Variants in TMEM178B observed in about 807,000 individuals in gnomAD.
TMEM178B encodes the protein transmembrane protein 178B.
A neutral mutation model predicts 31.0 loss-of-function variants in TMEM178B; 5 were observed. The observed-to-expected ratio is 0.16, with a 90% CI of 0.08 to 0.34. TMEM178B has a LOEUF of 0.34. TMEM178B is among the 10% of genes least tolerant of loss of function. TMEM178B has a pLI of 1.00. For missense variants in TMEM178B, 275 were observed against 400.3 expected, an observed-to-expected ratio of 0.69 and a Z score of 2.67; for synonymous variants, 164 against 164.0, an observed-to-expected ratio of 1.00 and a Z score of 0.00.
chr7:141,138,751 G>C (rs1795717256), intron 1 of TMEM178B, among the ~76,000 whole-genome samples: 1 of 152,142 alleles, frequency 6.6e-6, no homozygotes, highest in South Asian at 2.1e-4. Flanking sequence ...GGGAGGCTGA[G>C]GCGGGTGGAT....
At chr7:141,442,013 A>G (rs1801669746) in intron 3 of TMEM178B, among the ~76,000 whole-genome samples, 1 of 152,196 alleles carries the variant, frequency 6.6e-6, no homozygotes, top group Non-Finnish European at 1.5e-5. Context: ...AGACTGGCAC[A>G]ACACCATTTG....
intron 2 of TMEM178B, among the ~76,000 whole-genome samples, chr7:141,322,808 C>G (rs980605328): frequency 6.6e-6 from 1 of 152,174 alleles, no homozygotes; most frequent in Non-Finnish European, 1.5e-5. Context: ...GCTAGGAAAG[C>G]ACAGGCTTTC....
Position 141,245,170 on chromosome 7 carries a change from C to CAAAAAAAAAAAAAA in TMEM178B, c.496+32493_496+32506dup, listed in dbSNP as rs59281560. Among the ~76,000 whole-genome samples the CAAAAAAAAAAAAAA allele has an allele frequency of 2.6e-4, 6 of 23,110 alleles. 1 individual carries two copies. Among genetic ancestry groups the CAAAAAAAAAAAAAA allele is most frequent in the African/African-American group, 4.9e-4 (3 of 6,124 alleles). The allele number at this position is 23,110 out of a possible 152,430, so 15.2% of individuals were successfully genotyped here. A position where few individuals can be genotyped will look rare whatever the true frequency, so the allele number is the denominator to read the frequency against. Reference sequence around the variant, plus strand: ...GGGTGACAGAGCAAGACTCCATCACCAAAAAAAAAAAAAAAAAAAAAAAAA... The same window carrying CAAAAAAAAAAAAAA: ...GGGTGACAGAGCAAGACTCCATCACCAAAAAAAAAAAAAAAAAAAAAAAAAAAAAAAAAAAAAAA... On this transcript the variant is annotated intron_variant, in intron 2 of 3. Coordinates refer to ENST00000565468, the MANE Select transcript of TMEM178B (RefSeq NM_001195278.2).
rs141159106 is a variant in TMEM178B, at chr7:141,453,197, T to C, written c.634+15452T>C. 2.6e-3 allele frequency among the ~76,000 whole-genome samples: 391 copies of C among 152,360 alleles called. 6 individuals carry two copies. Among genetic ancestry groups the C allele is most frequent in the African/African-American group, 9.0e-3 (373 of 41,582 alleles). On this transcript the variant is annotated intron_variant, in intron 3 of 3. Transcript: ENST00000565468. ...AGTGTCTTGGACAGTAGTGATCTAG[T>C]CATTTCCTAGCTTTCCTCTGAGTCA...
At chr7:141,183,828 C>A (rs374580986) in intron 1 of TMEM178B, among the ~76,000 whole-genome samples, 3 of 152,280 alleles carry the variant, frequency 2.0e-5, no homozygotes, top group East Asian at 3.9e-4. Context: ...AGGTCCTGAG[C>A]TGAGGAATGT....
At chr7:141,432,685 C>T (rs771610023) in intron 2 of TMEM178B, among the ~76,000 whole-genome samples, 64 of 152,282 alleles carry the variant, frequency 4.2e-4, no homozygotes, top group Non-Finnish European at 2.4e-4. Flanking sequence ...TCTCTTGTCT[C>T]TCTGCAGATA....
chr7:141,322,665 G>A (rs955731822), intron 2 of TMEM178B, among the ~76,000 whole-genome samples: 6 of 152,176 alleles, frequency 3.9e-5, no homozygotes, highest in Non-Finnish European at 5.9e-5. Context: ...AGGCTGGGAC[G>A]TGTCGAGAAC....
At chr7:141,412,492 A>G (rs532536621) in intron 2 of TMEM178B, among the ~76,000 whole-genome samples, 156 of 152,336 alleles carry the variant, frequency 1.0e-3, no homozygotes, top group Middle Eastern at 3.4e-3. Flanking sequence ...TCATGGGCCC[A>G]AGAGAGTTGC....
the TMEM178B span, among the ~76,000 whole-genome samples, chr7:141,495,230 A>G: frequency 6.6e-6 from 1 of 152,172 alleles, no homozygotes; most frequent in Non-Finnish European, 1.5e-5. Context: ...TTGCTGAGGG[A>G]AGCCAAGAGT....
chr7:141,396,108 T>C (rs981853336), intron 2 of TMEM178B, among the ~76,000 whole-genome samples: 1 of 152,060 alleles, frequency 6.6e-6, no homozygotes, highest in African/African-American at 2.4e-5. Context: ...TCACCAGCTC[T>C]CTCAGAGAGG....
Position 141,470,696 on chromosome 7 carries a change from G to A in TMEM178B, c.795G>A (p.Ser265=), listed in dbSNP as rs990597433. 11 of 1,535,418 alleles carry A rather than the reference G, an allele frequency of 7.2e-6. No homozygotes were observed. Among genetic ancestry groups the A allele is most frequent in the African/African-American group, 1.4e-5 (1 of 72,904 alleles). ...AWGGLGLTLI[S]GFFCTLAPSV... ...GGGGCCTGGGCCTCACACTCATCTC[G>A]GGATTCTTCTGTACCTTAGCCCCTT... is the stretch of plus-strand genomic sequence containing the variant. The change falls in exon 4 of 4, where the codon TCG becomes TCA. Residue 265 remains serine, a synonymous_variant. Transcript: ENST00000565468.
chr7:141,434,640 C>T (rs1586957959), intron 2 of TMEM178B, among the ~76,000 whole-genome samples: 1 of 152,172 alleles, frequency 6.6e-6, no homozygotes, highest in Non-Finnish European at 1.5e-5. Context: ...ACATTCCAAA[C>T]CCTCTTTTCC....
chr7:141,251,053 A>T (rs1797824245), intron 2 of TMEM178B, among the ~76,000 whole-genome samples: 1 of 152,038 alleles, frequency 6.6e-6, no homozygotes, highest in African/African-American at 2.4e-5. Context: ...CCTAAAACAC[A>T]GTTCAGATTT....
At chr7:141,149,825 G>A (rs949485021) in intron 1 of TMEM178B, among the ~76,000 whole-genome samples, 2 of 152,224 alleles carry the variant, frequency 1.3e-5, no homozygotes, top group East Asian at 1.9e-4. Context: ...CTCTGCCAAC[G>A]TCTCGATTTT....
At chr7:141,498,916 C>T in the TMEM178B span, among the ~76,000 whole-genome samples, 2 of 152,196 alleles carry the variant, frequency 1.3e-5, no homozygotes, top group Non-Finnish European at 2.9e-5. Context: ...AGATAGCCAT[C>T]AGATGGGATG....
intron 2 of TMEM178B, among the ~76,000 whole-genome samples, chr7:141,252,328 C>T (rs1797847495): frequency 6.6e-6 from 1 of 152,224 alleles, no homozygotes; most frequent in South Asian, 2.1e-4. Flanking sequence ...GGGTCTGAGC[C>T]CTCTGTCCTG....
intron 2 of TMEM178B, among the ~76,000 whole-genome samples, chr7:141,357,662 A>G (rs1359050413): frequency 1.3e-5 from 2 of 152,244 alleles, no homozygotes; most frequent in Non-Finnish European, 2.9e-5. Context: ...GTATTTAAAT[A>G]TCATTTATAT....
chr7:141,083,957 G>A (rs945226858), intron 1 of TMEM178B, among the ~76,000 whole-genome samples: 4 of 151,590 alleles, frequency 2.6e-5, no homozygotes, highest in African/African-American at 7.3e-5. Flanking sequence ...GGCACATGCC[G>A]CCATGCCTGG....
intron 1 of TMEM178B, among the ~76,000 whole-genome samples, chr7:141,198,142 T>A (rs928977102): frequency 6.6e-6 from 1 of 152,210 alleles, no homozygotes; most frequent in Admixed American, 6.5e-5. Context: ...CTCAGTGATA[T>A]GCATTTTTTT....
Sources: gnomAD v4.1 joint callset for allele counts (sites outside exome capture counted in the v4.1 genomes callset) on GRCh38, gnomAD v4.1.1 for gene constraint, MANE v1.5 for transcripts, NCBI Gene and HGNC (gene_info 2026-07-23, HGNC 2026-07-21) for gene names.